NRP2: variants seen among roughly 807,000 people sequenced by gnomAD.
NRP2 encodes the protein neuropilin 2, also known as neuropilin-2.
Under a neutral mutation model 110.4 loss-of-function variants are expected in NRP2, and 52 were observed. The ratio of observed to expected loss-of-function variants is 0.47; its 90% CI spans 0.38 to 0.59. The LOEUF (loss-of-function observed/expected upper bound fraction) is 0.59, where lower values mean the gene tolerates loss of function less well. Among genes scored for constraint, NRP2 ranks in the 20% least tolerant of loss-of-function variants. NRP2 has a pLI of 0.00. For synonymous variants in NRP2, 508 were observed against 468.9 expected (o/e 1.08, Z -1.08); for missense variants, 1,049 against 1,203.0 (o/e 0.87, Z 1.89).
At chr2:205,691,050 G>A (rs1201719588) in intron 1 of NRP2, among the ~76,000 whole-genome samples, 2 of 152,182 alleles carry the variant, frequency 1.3e-5, no homozygotes, top group Non-Finnish European at 2.9e-5. Context: ...GTCCTATCTA[G>A]TGATACCTTT....
chr2:205,721,447 G>A (rs2057009988), intron 3 of NRP2, among the ~76,000 whole-genome samples: 1 of 152,096 alleles, frequency 6.6e-6, no homozygotes, highest in African/African-American at 2.4e-5. Context: ...GTGCTTCGTG[G>A]GTCCATGGGT....
intron 2 of NRP2, among the ~76,000 whole-genome samples, chr2:205,698,252 A>T (rs1215854568): frequency 6.6e-6 from 1 of 151,958 alleles, no homozygotes; most frequent in Non-Finnish European, 1.5e-5. Context: ...TAGTTCTAAG[A>T]TTCACATTGG....
At chr2:205,703,304 T>C (rs1304599550) in intron 2 of NRP2, among the ~76,000 whole-genome samples, 3 of 152,212 alleles carry the variant, frequency 2.0e-5, no homozygotes, top group African/African-American at 7.2e-5. Flanking sequence ...TAATAGACCA[T>C]TCATTCATTC....
intron 2 of NRP2, among the ~76,000 whole-genome samples, chr2:205,705,336 T>C (rs1238168579): frequency 6.6e-6 from 1 of 152,214 alleles, no homozygotes; most frequent in African/African-American, 2.4e-5. Context: ...CAAAATTTTT[T>C]TCCTAGAAGG....
chr2:205,762,966 C>A lies in NRP2; in HGVS notation c.2045-708C>A, dbSNP rs185018569. 2.7e-3 allele frequency among the ~76,000 whole-genome samples: 404 copies of A among 152,334 alleles called. 10 individuals carry two copies. Among genetic ancestry groups the A allele is most frequent in the Admixed American group, 0.024 (372 of 15,308 alleles). On this transcript the variant is annotated intron_variant, in intron 12 of 16. Coordinates refer to ENST00000357785, the MANE Select transcript of NRP2 (RefSeq NM_003872.3). ...ACACAGCCTTTGTTAATGATAATGA[C>A]AGCACCTTTATCACTGGAGCCATAT...
chr2:205,710,345 C>G (rs767250671), intron 2 of NRP2, among the ~76,000 whole-genome samples: 14 of 152,090 alleles, frequency 9.2e-5, no homozygotes, highest in Non-Finnish European at 1.8e-4. Flanking sequence ...CTCTGAGCCT[C>G]GATGTCTGCA....
At position 205,732,329 on chromosome 2, in the gene NRP2, T is replaced by C. The variant is rs930661450; in HGVS notation, c.1146+4283T>C. ...TCCACTTCAAAAATCCTCTATCCCATATTTATTTTCTAAATTAAAACAAAT... is the reference window on the plus strand; with the variant it reads ...TCCACTTCAAAAATCCTCTATCCCACATTTATTTTCTAAATTAAAACAAAT... On this transcript the variant is annotated intron_variant, in intron 7 of 16. Transcript: ENST00000357785. 3.3e-5 allele frequency among the ~76,000 whole-genome samples: 5 copies of C among 152,258 alleles called. No individual in the cohort carries two copies. The East Asian group carries it at 7.7e-4, about 23-fold the overall frequency.
chr2:205,792,282 G>A lies in NRP2; in HGVS notation c.2473G>A (p.Asp825Asn). Residue 825 changes from aspartate (D) to asparagine (N), a missense_variant, in exon 16 of 17, where the codon GAT (aspartate) becomes AAT (asparagine). Coordinates refer to ENST00000357785, the MANE Select transcript of NRP2 (RefSeq NM_003872.3). ...GAGAGAAGGATATGAAGATGAAATT[G>A]ATGGTGAGTACTGTTATGATTTAGC... ...HEREGYEDEI[D>N]DEYEVDWSNS... is the part of the protein sequence containing the mutation. 1 of 1,602,360 alleles carries A rather than the reference G, an allele frequency of 6.2e-7. No homozygotes were observed. The highest frequency in any genetic ancestry group is 8.6e-7 in the Non-Finnish European group (1 of 1,169,386).
intron 2 of NRP2, among the ~76,000 whole-genome samples, chr2:205,708,117 C>A (rs2056721020): frequency 6.6e-6 from 1 of 152,216 alleles, no homozygotes; most frequent in South Asian, 2.1e-4. Context: ...TCTTCCTTTG[C>A]ACTCTGGTAT....
intron 15 of NRP2, among the ~76,000 whole-genome samples, chr2:205,773,142 G>A (rs1398300420): frequency 6.6e-6 from 1 of 152,196 alleles, no homozygotes; most frequent in East Asian, 1.9e-4. Context: ...GCAAACCACA[G>A]CCTCATTAGC....
Position 205,743,360 on chromosome 2 carries a change from C to G in NRP2, c.1449C>G (p.Pro483=), listed in dbSNP as rs141076137. The part of the protein sequence containing the change: ...GWFPRIPQAQ[P]GEEWLQVDLG... ...TCCCTCGAATCCCTCAGGCCCAGCC[C>G]GGTGAGGAGTGGCTTCAGGTAGATC... Residue 483 remains proline (P), a synonymous_variant, in exon 9 of 17, where the codon CCC becomes CCG. Transcript: ENST00000357785. The G allele has an allele frequency of 6.2e-7, 1 of 1,614,220 alleles. No individual in the cohort carries two copies. Among genetic ancestry groups the G allele is most frequent in the Non-Finnish European group, 8.5e-7 (1 of 1,180,040 alleles).
chr2:205,700,854 TG>T (rs2056538628), intron 2 of NRP2: 1 of 456,856 alleles, frequency 2.2e-6, no homozygotes, highest in Non-Finnish European at 4.4e-6. Flanking sequence ...ACAGGCTGTT[TG>T]GGGGCCTGTA....
At chr2:205,722,190 C>T (rs1408519774) in intron 3 of NRP2, 6 of 466,598 alleles carry the variant, frequency 1.3e-5, no homozygotes, top group African/African-American at 2.0e-5. Flanking sequence ...CACACACACA[C>T]ACACACACAC....
At chr2:205,770,360 A>G (rs2058001939) in intron 15 of NRP2, among the ~76,000 whole-genome samples, 2 of 152,160 alleles carry the variant, frequency 1.3e-5, no homozygotes, top group Admixed American at 1.3e-4. Flanking sequence ...TCTCTTGGGC[A>G]TAGAGGGGAG....
Position 205,743,241 on chromosome 2 carries a change from C to G in NRP2, c.1330C>G (p.Leu444Val), listed in dbSNP as rs768950652. ...CAACATGCTGGGGATGCTCTCAGGC[C>G]TCATTGCAGACTCCCAGATCTCCGC... ...CSNMLGMLSG[L>V]IADSQISASS... The change falls in exon 9 of 17, where the codon CTC becomes GTC. Residue 444 changes from leucine (L) to valine (V), a missense_variant. Leu to Val is a conservative substitution (Grantham distance 32). Coordinates refer to ENST00000357785, the MANE Select transcript of NRP2 (RefSeq NM_003872.3). 6.2e-7 allele frequency: 1 copy of G among 1,613,950 alleles called. No individual in the cohort carries two copies. The highest frequency in any genetic ancestry group is 1.1e-5 in the South Asian group (1 of 91,076).
At chr2:205,776,139 C>T (rs2105946550) in intron 15 of NRP2, 1 of 1,125,348 alleles carries the variant, frequency 8.9e-7, no homozygotes, top group South Asian at 1.2e-5. Context: ...CAGACCCTTC[C>T]CTGTATGTCC....
intron 15 of NRP2, 96 bp downstream of exon 15, chr2:205,766,899 T>C (rs1370122245): frequency 4.3e-6 from 5 of 1,165,890 alleles, no homozygotes; most frequent in African/African-American, 1.5e-5. Context: ...ACCTCCAAAT[T>C]TGTCAAATCT....
rs58956427 is a variant in NRP2, at chr2:205,715,467, G to A, written c.252-726G>A. On this transcript the variant is annotated intron_variant, in intron 2 of 16. Coordinates refer to ENST00000357785, the MANE Select transcript of NRP2 (RefSeq NM_003872.3). ...GACTCACCCCTGCTTTTGGAGAAAG[G>A]TTTTTATCGCCTTATCTAACATGAG... 3.3e-3 allele frequency among the ~76,000 whole-genome samples: 499 copies of A among 152,302 alleles called. 3 individuals carry two copies. Among genetic ancestry groups the A allele is most frequent in the African/African-American group, 0.011 (476 of 41,568 alleles).
chr2:205,690,728 C>T (rs180733149), intron 1 of NRP2, among the ~76,000 whole-genome samples: 5 of 151,764 alleles, frequency 3.3e-5, no homozygotes, highest in African/African-American at 1.2e-4. Context: ...TGCAGTGGGC[C>T]GAGATTGTGC....
Sources: gnomAD v4.1 joint callset for allele counts (sites outside exome capture counted in the v4.1 genomes callset) on GRCh38, gnomAD v4.1.1 for gene constraint, MANE v1.5 for transcripts, NCBI Gene and HGNC (gene_info 2026-07-23, HGNC 2026-07-21) for gene names.